ULK4: variants seen among roughly 807,000 people sequenced by gnomAD.
The protein encoded by ULK4 is unc-51 like kinase 4.
A neutral mutation model predicts 160.6 loss-of-function variants in ULK4; 133 were observed. The observed-to-expected ratio is 0.83, with a 90% CI of 0.72 to 0.96. The LOEUF is 0.96. Ranked by LOEUF, ULK4 falls within the 40% of genes least tolerant of loss-of-function variation. The pLI, the probability that ULK4 is intolerant of heterozygous loss-of-function variation, is 0.00. For synonymous variants in ULK4, 534 were observed against 539.8 expected, an observed-to-expected ratio of 0.99 and a Z score of 0.15; for missense variants, 1,580 against 1,499.5, an observed-to-expected ratio of 1.05 and a Z score of -0.89.
intron 32 of ULK4, among the ~76,000 whole-genome samples, chr3:41,542,386 G>A (rs564813948): frequency 1.4e-4 from 22 of 152,216 alleles, no homozygotes; most frequent in African/African-American, 4.6e-4. Flanking sequence ...CAACTTAATC[G>A]TGTTCGATAA....
intron 16 of ULK4, among the ~76,000 whole-genome samples, chr3:41,888,443 A>G (rs1177356426): frequency 2.0e-5 from 3 of 152,246 alleles, no homozygotes; most frequent in Admixed American, 6.5e-5. Flanking sequence ...GGAATCCTCT[A>G]TCTAAGAATC....
chr3:41,703,840 A>G (rs955689465), intron 27 of ULK4, among the ~76,000 whole-genome samples: 107 of 126,138 alleles, frequency 8.5e-4, no homozygotes, highest in Non-Finnish European at 1.4e-3. Flanking sequence ...GCATGCACAC[A>G]CACACACACA....
At chr3:41,876,403 A>T (rs1451804192) in intron 17 of ULK4, among the ~76,000 whole-genome samples, 1 of 152,250 alleles carries the variant, frequency 6.6e-6, no homozygotes, top group Non-Finnish European at 1.5e-5. Context: ...CTTATTTAAC[A>T]TGATTTTATG....
intron 34 of ULK4, among the ~76,000 whole-genome samples, chr3:41,414,064 C>T (rs2082472364): frequency 6.6e-6 from 1 of 152,206 alleles, no homozygotes; most frequent in African/African-American, 2.4e-5. Context: ...ATTAGCCAGG[C>T]ATGGCACATG....
chr3:41,263,282 A>G (rs1244197438), intron 35 of ULK4, among the ~76,000 whole-genome samples: 1 of 152,168 alleles, frequency 6.6e-6, no homozygotes, highest in Middle Eastern at 3.2e-3. Context: ...TGAGCTGTGT[A>G]TTTGACAACA....
At chr3:41,601,184 T>C (rs186446270) in intron 31 of ULK4, among the ~76,000 whole-genome samples, 196 of 152,256 alleles carry the variant, frequency 1.3e-3, no homozygotes, top group African/African-American at 4.5e-3. Context: ...ATTATCAAAT[T>C]AGGAAGAAGA....
intron 22 of ULK4, among the ~76,000 whole-genome samples, chr3:41,745,688 G>T (rs968812213): frequency 6.6e-6 from 1 of 151,546 alleles, no homozygotes; most frequent in South Asian, 2.1e-4. Context: ...AAGAAGGGAA[G>T]GAGGGAGAAA....
intron 35 of ULK4, among the ~76,000 whole-genome samples, chr3:41,394,631 A>C (rs938735801): frequency 6.6e-6 from 1 of 152,018 alleles, no homozygotes; most frequent in African/African-American, 2.4e-5. Flanking sequence ...CTTTCTGCTA[A>C]ATGAGCATCA....
intron 18 of ULK4, among the ~76,000 whole-genome samples, chr3:41,825,789 A>C (rs897788946): frequency 1.3e-5 from 2 of 152,216 alleles, no homozygotes; most frequent in Non-Finnish European, 2.9e-5. Flanking sequence ...CCAACATTCA[A>C]ATTCAGGAAA....
intron 22 of ULK4, among the ~76,000 whole-genome samples, chr3:41,727,737 TA>T (rs913320494): frequency 4.0e-5 from 6 of 150,718 alleles, no homozygotes; most frequent in Non-Finnish European, 5.9e-5. Context: ...GACATGTGGT[TA>T]AAAAAAAACA....
At chr3:41,953,231 T>C (rs1026558115) in intron 2 of ULK4, among the ~76,000 whole-genome samples, 2 of 148,682 alleles carry the variant, frequency 1.3e-5, no homozygotes, top group Non-Finnish European at 3.0e-5. Context: ...TACATATATA[T>C]ACACACACAT....
At chr3:41,838,547 T>A (rs1251118442) in intron 17 of ULK4, among the ~76,000 whole-genome samples, 19 of 151,230 alleles carry the variant, frequency 1.3e-4, no homozygotes, top group Non-Finnish European at 2.4e-4. Context: ...TAAAAAAAAA[T>A]GTTCAGTAAA....
chr3:41,469,615 A>AAAAAAAACAAAAC (rs1559625781), intron 32 of ULK4, among the ~76,000 whole-genome samples: 1 of 148,202 alleles, frequency 6.7e-6, no homozygotes, highest in African/African-American at 2.5e-5. Flanking sequence ...AAAAAAAAAA[A>AAAAAAAACAAAAC]AAAAAAAAAA....
At chr3:41,647,791 C>T (rs1227505619) in intron 30 of ULK4, among the ~76,000 whole-genome samples, 2 of 152,194 alleles carry the variant, frequency 1.3e-5, no homozygotes, top group South Asian at 2.1e-4. Context: ...TGTGCCCTGC[C>T]CCCAGGGGTG....
chr3:41,498,977 A>G (rs919848924), intron 32 of ULK4, among the ~76,000 whole-genome samples: 10 of 152,226 alleles, frequency 6.6e-5, no homozygotes, highest in Admixed American at 6.5e-4. Flanking sequence ...AATACAATAT[A>G]GTACTATTCT....
chr3:41,772,812 A>T (rs1281639862), intron 21 of ULK4, among the ~76,000 whole-genome samples: 1 of 152,194 alleles, frequency 6.6e-6, no homozygotes, highest in Non-Finnish European at 1.5e-5. Context: ...ACTGATGCAA[A>T]AATCCTCAAT....
intron 31 of ULK4, among the ~76,000 whole-genome samples, chr3:41,575,273 G>A (rs960355663): frequency 6.6e-6 from 1 of 152,200 alleles, no homozygotes; most frequent in Non-Finnish European, 1.5e-5. Flanking sequence ...GGGGTCCACA[G>A]GGGGAATGTT....
intron 32 of ULK4, among the ~76,000 whole-genome samples, chr3:41,469,279 A>G (rs1265767759): frequency 1.3e-5 from 2 of 152,150 alleles, no homozygotes; most frequent in Non-Finnish European, 2.9e-5. Flanking sequence ...TGAACATAGC[A>G]GCTGCTCCCA....
At chr3:41,706,889 G>GTATA (rs1237594470) in intron 25 of ULK4, among the ~76,000 whole-genome samples, 7 of 115,664 alleles carry the variant, frequency 6.1e-5, no homozygotes, top group African/African-American at 2.1e-4. Flanking sequence ...GTGTGTGTGT[G>GTATA]TATATATATA....
Sources: gnomAD v4.1 joint callset for allele counts (sites outside exome capture counted in the v4.1 genomes callset) on GRCh38, gnomAD v4.1.1 for gene constraint, MANE v1.5 for transcripts, NCBI Gene and HGNC (gene_info 2026-07-23, HGNC 2026-07-21) for gene names.